Variants in ANKS1B observed in about 807,000 individuals in gnomAD.
ANKS1B encodes ankyrin repeat and sterile alpha motif domain-containing protein 1B.
ANKS1B carries 36 observed loss-of-function variants against 148.3 expected under a neutral mutation model. The ratio of observed to expected loss-of-function variants is 0.24; its 90% CI spans 0.19 to 0.32. ANKS1B has a LOEUF of 0.32. ANKS1B is among the 10% of genes least tolerant of loss of function. The pLI is 1.00. For missense variants in ANKS1B, 1,157 were observed against 1,542.6 expected, an observed-to-expected ratio of 0.75 and a Z score of 4.19; for synonymous variants, 542 against 560.8, an observed-to-expected ratio of 0.97 and a Z score of 0.47.
intron 17 of ANKS1B, among the ~76,000 whole-genome samples, chr12:99,004,848 C>T (rs11833066): frequency 0.02 from 3,032 of 152,036 alleles, 106 homozygotes; most frequent in African/African-American, 0.069. Context: ...AAAGAAATTG[C>T]CATCTCATCC....
chr12:98,837,079 C>G (rs779168707), intron 17 of ANKS1B, among the ~76,000 whole-genome samples: 1 of 152,076 alleles, frequency 6.6e-6, no homozygotes, highest in Non-Finnish European at 1.5e-5. Flanking sequence ...TGCCTGTAAT[C>G]CCAGCACTTT....
At chr12:99,768,823 C>CAGA (rs1555603598) in intron 8 of ANKS1B, among the ~76,000 whole-genome samples, 2 of 73,156 alleles carry the variant, frequency 2.7e-5, no homozygotes. Context: ...GACTCCGTCT[C>CAGA]AGAAAAAAAA....
At chr12:99,729,699 G>A (rs539353426) in intron 8 of ANKS1B, among the ~76,000 whole-genome samples, 1 of 152,128 alleles carries the variant, frequency 6.6e-6, no homozygotes, top group African/African-American at 2.4e-5. Context: ...TTCTTTTCAC[G>A]CCTTGTAAAT....
chr12:99,895,689 C>A (rs2153751662), intron 1 of ANKS1B, among the ~76,000 whole-genome samples: 1 of 151,086 alleles, frequency 6.6e-6, no homozygotes, highest in South Asian at 2.1e-4. Context: ...AGAAATAGAT[C>A]CACATGAACT....
At chr12:99,652,068 C>CAT (rs2098423559) in intron 9 of ANKS1B, among the ~76,000 whole-genome samples, 1 of 123,460 alleles carries the variant, frequency 8.1e-6, no homozygotes, top group Non-Finnish European at 1.7e-5. Context: ...AACATGTTTA[C>CAT]ATGTGTATAT....
intron 12 of ANKS1B, among the ~76,000 whole-genome samples, chr12:99,312,663 T>C (rs180903060): frequency 8.5e-5 from 13 of 152,274 alleles, no homozygotes; most frequent in African/African-American, 2.9e-4. Context: ...AATCAATGAA[T>C]AGGTAAATAT....
chr12:99,618,715 T>C (rs1433732515), intron 9 of ANKS1B, among the ~76,000 whole-genome samples: 3 of 151,916 alleles, frequency 2.0e-5, no homozygotes, highest in South Asian at 2.1e-4. Context: ...CTTAGAGACA[T>C]TGTGAGCGCA....
intron 17 of ANKS1B, among the ~76,000 whole-genome samples, chr12:98,964,386 T>C (rs1690948388): frequency 6.6e-6 from 1 of 152,214 alleles, no homozygotes. Flanking sequence ...GAGAACAGTT[T>C]GGAGGTTCCT....
At position 99,698,648 on chromosome 12, in the gene ANKS1B, T is replaced by A. The variant is rs899041080; in HGVS notation, c.1129-43438A>T. Among the ~76,000 whole-genome samples the A allele has an allele frequency of 8.5e-5, 13 of 152,202 alleles. 1 individual carries two copies. In the South Asian group the frequency reaches 2.7e-3, roughly 31 times the overall value. Reference sequence around the variant, plus strand: ...CTCTACAGCAAACAATAAGTTCCTTTGCTATATATTTAAGCCTCGGGTTTA... The same window carrying A: ...CTCTACAGCAAACAATAAGTTCCTTAGCTATATATTTAAGCCTCGGGTTTA... On this transcript the variant is annotated intron_variant, in intron 8 of 26. Coordinates refer to ENST00000683438, the MANE Select transcript of ANKS1B (RefSeq NM_001352186.2).
intron 17 of ANKS1B, among the ~76,000 whole-genome samples, chr12:98,965,269 C>G (rs1427479788): frequency 6.6e-6 from 1 of 152,126 alleles, no homozygotes; most frequent in Non-Finnish European, 1.5e-5. Context: ...CTAACTCTAC[C>G]TCATAACCTC....
intron 14 of ANKS1B, among the ~76,000 whole-genome samples, chr12:99,233,097 C>T (rs1388151372): frequency 1.3e-5 from 2 of 151,912 alleles, no homozygotes; most frequent in Non-Finnish European, 2.9e-5. Flanking sequence ...TACATTCATG[C>T]TTTGTATAGA....
chr12:99,824,231 C>T (rs1286380252), intron 2 of ANKS1B, among the ~76,000 whole-genome samples: 1 of 152,012 alleles, frequency 6.6e-6, no homozygotes, highest in East Asian at 1.9e-4. Context: ...AAGTGAGGGC[C>T]AGGCGTGGTA....
At chr12:98,749,364 C>T (rs2153384726) in intron 26 of ANKS1B, among the ~76,000 whole-genome samples, 1 of 152,142 alleles carries the variant, frequency 6.6e-6, no homozygotes, top group South Asian at 2.1e-4. Context: ...GCTTCGGACT[C>T]CCAAAGTGCT....
At chr12:99,701,660 CATT>C (rs1299048798) in intron 8 of ANKS1B, among the ~76,000 whole-genome samples, 1 of 152,004 alleles carries the variant, frequency 6.6e-6, no homozygotes, top group Non-Finnish European at 1.5e-5. Context: ...TTCTTATACT[CATT>C]AATCATTTCC....
At chr12:99,461,519 G>T (rs12313065) in intron 10 of ANKS1B, among the ~76,000 whole-genome samples, 61,814 of 152,000 alleles carry the variant, frequency 0.41, 13,968 homozygotes, top group African/African-American at 0.62. Context: ...TCTTCCACAT[G>T]ACAGTGTAAA....
chr12:99,191,427 A>G (rs181790771), intron 14 of ANKS1B, among the ~76,000 whole-genome samples: 190 of 152,356 alleles, frequency 1.2e-3, no homozygotes, highest in African/African-American at 4.2e-3. Context: ...TCACAATAGC[A>G]AAGACTTGGA....
intron 17 of ANKS1B, chr12:98,894,608 G>A: frequency 1.0e-6 from 1 of 985,028 alleles, no homozygotes; most frequent in South Asian, 4.7e-5. Context: ...CGGAGCGAGG[G>A]GGCCGCTGTG....
At chr12:99,088,275 G>A (rs1364085011) in intron 15 of ANKS1B, among the ~76,000 whole-genome samples, 1 of 152,032 alleles carries the variant, frequency 6.6e-6, no homozygotes, top group East Asian at 1.9e-4. Flanking sequence ...AAACACTAGG[G>A]GACTTGGAGT....
chr12:98,776,546 C>T (rs2098677653), intron 24 of ANKS1B, among the ~76,000 whole-genome samples: 1 of 152,168 alleles, frequency 6.6e-6, no homozygotes, highest in African/African-American at 2.4e-5. Context: ...TGAGAAACAG[C>T]TGAAGAGGTG....
Sources: gnomAD v4.1 joint callset for allele counts (sites outside exome capture counted in the v4.1 genomes callset) on GRCh38, gnomAD v4.1.1 for gene constraint, MANE v1.5 for transcripts, NCBI Gene and HGNC (gene_info 2026-07-23, HGNC 2026-07-21) for gene names.